Variants in RNF217 observed in about 807,000 individuals in gnomAD.
RNF217 encodes the protein E3 ubiquitin-protein ligase RNF217.
RNF217 carries 31 observed loss-of-function variants against 57.8 expected under a neutral mutation model. That is an observed-to-expected ratio of 0.54 (90% confidence interval 0.40 to 0.72). The LOEUF is 0.72. RNF217 is among the 30% of genes least tolerant of loss of function. The probability of loss-of-function intolerance (pLI) is 0.00; values close to 1 mark genes in which losing one functional copy is unlikely to be tolerated. For missense variants in RNF217, 696 were observed against 708.3 expected (o/e 0.98, Z 0.20); for synonymous variants, 313 against 294.0 (o/e 1.06, Z -0.66).
chr6:125,080,242 G>A (rs1788524578), intron 4 of RNF217, among the ~76,000 whole-genome samples: 1 of 151,982 alleles, frequency 6.6e-6, no homozygotes, highest in Non-Finnish European at 1.5e-5. Flanking sequence ...TTACTTACTT[G>A]GATTCTGTCA....
chr6:125,024,207 G>T (rs1785972215), intron 1 of RNF217, among the ~76,000 whole-genome samples: 1 of 152,166 alleles, frequency 6.6e-6, no homozygotes. Context: ...GTAGGATTTT[G>T]TTGATGGTTG....
chr6:124,984,579 G>A (rs1784306750), intron 1 of RNF217, among the ~76,000 whole-genome samples: 1 of 151,088 alleles, frequency 6.6e-6, no homozygotes, highest in Non-Finnish European at 1.5e-5. Flanking sequence ...AGAAAATAGA[G>A]TGGAGGGGAG....
chr6:124,980,313 T>C (rs1784116849), intron 1 of RNF217, among the ~76,000 whole-genome samples: 1 of 152,210 alleles, frequency 6.6e-6, no homozygotes, highest in Non-Finnish European at 1.5e-5. Context: ...CAGTCTTTCG[T>C]TAATTTGATG....
chr6:125,026,445 TATC>T (rs1466682332), intron 1 of RNF217, among the ~76,000 whole-genome samples: 3 of 152,212 alleles, frequency 2.0e-5, no homozygotes, highest in Admixed American at 6.5e-5. Flanking sequence ...TAGCTGCTGC[TATC>T]ATCATCATCG....
Position 125,046,154 on chromosome 6 carries a change from T to C in RNF217, c.1116+710T>C, listed in dbSNP as rs1237160329. ...CATTTCAGAGCAAGGGATGAGTAAG[T>C]GCACGGCCCCCGAGGCTAAGGCCAG... On this transcript the variant is annotated intron_variant, in intron 2 of 5. Transcript: ENST00000521654. Among the ~76,000 whole-genome samples the C allele has an allele frequency of 2.0e-5, 3 of 152,178 alleles. No individual in the cohort carries two copies. In the East Asian group the frequency reaches 5.8e-4, roughly 30 times the overall value.
At chr6:124,985,312 T>C (rs1342583373) in intron 1 of RNF217, among the ~76,000 whole-genome samples, 3 of 152,228 alleles carry the variant, frequency 2.0e-5, no homozygotes, top group African/African-American at 7.2e-5. Flanking sequence ...TTTTTAATTT[T>C]TGCGGATACA....
At chr6:125,039,908 A>G (rs181667676) in intron 1 of RNF217, among the ~76,000 whole-genome samples, 2 of 152,312 alleles carry the variant, frequency 1.3e-5, no homozygotes, top group East Asian at 3.9e-4. Context: ...AGTAAGGACA[A>G]AGAGACAACA....
intron 3 of RNF217, among the ~76,000 whole-genome samples, chr6:125,073,178 T>A (rs888765721): frequency 6.6e-6 from 1 of 152,232 alleles, no homozygotes; most frequent in African/African-American, 2.4e-5. Context: ...TCTTCAAATA[T>A]GTCCTAGTGC....
At chr6:124,979,042 T>TAG (rs201725057) in intron 1 of RNF217, among the ~76,000 whole-genome samples, 22 of 151,790 alleles carry the variant, frequency 1.4e-4, no homozygotes, top group Non-Finnish European at 2.5e-4. Context: ...AAGAAACCAA[T>TAG]AGAGAGAGAG....
In RNF217 at chr6:125,084,629, G is replaced by A. The variant is rs899437230; in HGVS notation, c.*1692G>A. 3 of 151,930 alleles carry A rather than the reference G, an allele frequency of 2.0e-5. No individual in the cohort carries two copies. Among genetic ancestry groups the A allele is most frequent in the African/African-American group, 4.8e-5 (2 of 41,414 alleles). 9.4% of individuals were successfully genotyped at this position (151,930 alleles called of 1,614,324 possible). A position where few individuals can be genotyped will look rare whatever the true frequency, so the allele number is the denominator to read the frequency against. ...GACATAAAAAGTGAAGTTGACTTGC[G>A]TGAATAACAATCCAGCATGCTTTCA... On this transcript the variant is annotated 3_prime_UTR_variant, in exon 6 of 6. Transcript: ENST00000521654.
At chr6:125,045,143 C>CAA (rs34249175) in intron 1 of RNF217, 68 bp from the exon 2 acceptor site, 490 of 867,680 alleles carry the variant, frequency 5.6e-4, no homozygotes, top group East Asian at 5.3e-3. Context: ...ATACTGTATA[C>CAA]AAAAAAAAAA....
At chr6:125,079,129 C>T (rs974429119) in intron 4 of RNF217, among the ~76,000 whole-genome samples, 14 of 152,098 alleles carry the variant, frequency 9.2e-5, no homozygotes, top group African/African-American at 3.1e-4. Context: ...CGTGTAACCA[C>T]GTGCTCAGCT....
Position 125,090,151 on chromosome 6 carries a change from C to T in RNF217, c.*7214C>T, listed in dbSNP as rs912329676. On this transcript the variant is annotated 3_prime_UTR_variant, in exon 6 of 6. Transcript: ENST00000521654. ...AAAAGTAGACCAACCTTATGTTTCACGTGAAACATAGAATAATAATTAGTT... is the reference window on the plus strand; with the variant it reads ...AAAAGTAGACCAACCTTATGTTTCATGTGAAACATAGAATAATAATTAGTT... 2 of 151,886 alleles carry T rather than the reference C, an allele frequency of 1.3e-5. No individual in the cohort carries two copies. The highest frequency in any genetic ancestry group is 6.6e-5 in the Admixed American group (1 of 15,238). The allele number at this position is 151,886 out of a possible 1,614,324, so 9.4% of individuals were successfully genotyped here.
intron 1 of RNF217, among the ~76,000 whole-genome samples, chr6:125,001,837 A>C (rs1197723939): frequency 2.6e-5 from 4 of 152,244 alleles, no homozygotes; most frequent in Non-Finnish European, 5.9e-5. Flanking sequence ...GATTCAAAGC[A>C]AAGATAAGTG....
chr6:125,013,351 ATGTGTGTGTG>A (rs61504994), intron 1 of RNF217, among the ~76,000 whole-genome samples: 9 of 141,296 alleles, frequency 6.4e-5, no homozygotes, highest in South Asian at 2.3e-4. Context: ...TGTTTTGTGT[ATGTGTGTGTG>A]TGTGTGTGTG....
At chr6:125,006,434 A>C (rs189457613) in intron 1 of RNF217, among the ~76,000 whole-genome samples, 31 of 152,164 alleles carry the variant, frequency 2.0e-4, no homozygotes, top group Non-Finnish European at 3.4e-4. Flanking sequence ...ACTTGTACTC[A>C]TTTTTTCTAT....
chr6:124,969,427 T>C (rs921840645), intron 1 of RNF217, among the ~76,000 whole-genome samples: 1 of 152,190 alleles, frequency 6.6e-6, no homozygotes, highest in Non-Finnish European at 1.5e-5. Context: ...CTTCCCAAAT[T>C]GAATTTTTGC....
At chr6:125,037,509 A>AT (rs1786687053) in intron 1 of RNF217, among the ~76,000 whole-genome samples, 1 of 152,010 alleles carries the variant, frequency 6.6e-6, no homozygotes, top group Non-Finnish European at 1.5e-5. Flanking sequence ...TTTTGGCTTG[A>AT]TTTTTTAAAT....
At chr6:125,037,953 G>A (rs577387) in intron 1 of RNF217, among the ~76,000 whole-genome samples, 6,888 of 152,138 alleles carry the variant, frequency 0.045, 223 homozygotes, top group African/African-American at 0.093. Flanking sequence ...TGAGCAATGA[G>A]GCCTGAGATT....
Sources: gnomAD v4.1 joint callset for allele counts (sites outside exome capture counted in the v4.1 genomes callset) on GRCh38, gnomAD v4.1.1 for gene constraint, MANE v1.5 for transcripts, NCBI Gene and HGNC (gene_info 2026-07-23, HGNC 2026-07-21) for gene names.